The following CERS3 variants were observed in gnomAD, a reference collection of about 807,000 sequenced individuals.
The protein encoded by CERS3 is LAG1 homolog, ceramide synthase 3.
A neutral mutation model predicts 50.3 loss-of-function variants in CERS3; 33 were observed. The ratio of observed to expected loss-of-function variants is 0.66; its 90% confidence interval spans 0.50 to 0.88. CERS3 has a LOEUF of 0.88. CERS3 is among the 40% of genes least tolerant of loss of function. The probability of loss-of-function intolerance (pLI) is 0.00; values close to 1 mark genes in which losing one functional copy is unlikely to be tolerated. For synonymous variants in CERS3, 176 were observed against 155.2 expected, an observed-to-expected ratio of 1.13 and a Z score of -0.99; for missense variants, 470 against 460.3, an observed-to-expected ratio of 1.02 and a Z score of -0.19.
chr15:100,420,161 C>G (rs1224162465), intron 11 of CERS3, among the ~76,000 whole-genome samples: 28 of 147,006 alleles, frequency 1.9e-4, no homozygotes, highest in African/African-American at 6.8e-4. Context: ...TTGAAAGGAT[C>G]AACAAAATTG....
chr15:100,438,357 T>A (rs1464573269), intron 11 of CERS3, among the ~76,000 whole-genome samples: 1 of 152,140 alleles, frequency 6.6e-6, no homozygotes, highest in Non-Finnish European at 1.5e-5. Flanking sequence ...TATTCACTAT[T>A]TATTTTTATT....
rs757606264 is a variant in CERS3, at chr15:100,450,323, C to T, written c.999+5570G>A. ...GTCCCAGCTACTCAGGAGGTTGAGG[C>T]AGGGGAATTGCTTGAACTTGGCAGG... On this transcript the variant is annotated intron_variant, in intron 11 of 11. Transcript: ENST00000679737. Among the ~76,000 whole-genome samples, 7 of 146,992 alleles carry T rather than the reference C, an allele frequency of 4.8e-5. No individual in the cohort carries two copies. In the South Asian group the frequency reaches 8.7e-4, roughly 18 times the overall value.
intron 6 of CERS3, 28 bp downstream of exon 6, chr15:100,479,961 C>T (rs1004192121): frequency 1.9e-6 from 3 of 1,548,336 alleles, no homozygotes; most frequent in African/African-American, 1.4e-5. Flanking sequence ...AGACAAATTC[C>T]AATCGAAGAT....
At chr15:100,403,328 T>C (rs779382516) in intron 11 of CERS3, among the ~76,000 whole-genome samples, 7 of 152,018 alleles carry the variant, frequency 4.6e-5, no homozygotes, top group Non-Finnish European at 1.0e-4. Context: ...TTCAAACAAT[T>C]TCAGCTTCAA....
intron 3 of CERS3, among the ~76,000 whole-genome samples, chr15:100,492,988 G>C (rs1470960534): frequency 6.6e-6 from 1 of 151,958 alleles, no homozygotes; most frequent in Non-Finnish European, 1.5e-5. Context: ...CCCCTTCTTT[G>C]TGCTCTTGTC....
intron 11 of CERS3, among the ~76,000 whole-genome samples, chr15:100,443,329 C>A (rs545585449): frequency 6.6e-6 from 1 of 151,328 alleles, no homozygotes; most frequent in African/African-American, 2.4e-5. Flanking sequence ...TTATCACTCT[C>A]CTGCTACAGC....
intron 1 of CERS3, among the ~76,000 whole-genome samples, chr15:100,543,586 A>G (rs529693388): frequency 2.0e-5 from 3 of 146,856 alleles, no homozygotes; most frequent in East Asian, 2.0e-4. Context: ...CTGGAGTGCA[A>G]TGGCGCGATC....
At chr15:100,478,653 A>G (rs2035210491) in intron 7 of CERS3, among the ~76,000 whole-genome samples, 1 of 149,686 alleles carries the variant, frequency 6.7e-6, no homozygotes, top group South Asian at 2.1e-4. Context: ...AGACAATGAA[A>G]TAACATCATT....
chr15:100,504,239 CTTTTTTTT>C (rs55640205), intron 2 of CERS3, among the ~76,000 whole-genome samples: 1 of 109,984 alleles, frequency 9.1e-6, no homozygotes, highest in Non-Finnish European at 1.8e-5. Context: ...TTGGACTATT[CTTTTTTTT>C]TTTTTTTTTT....
In CERS3 at chr15:100,543,418, G is replaced by T. The variant is rs1009963121; in HGVS notation, c.-355+1233C>A. ...AAAAACATTTTCTAATGAGAGTTTTGAAATTGAGGGTAAGCTCAAATATCA... is the reference window on the plus strand; with the variant it reads ...AAAAACATTTTCTAATGAGAGTTTTTAAATTGAGGGTAAGCTCAAATATCA... On this transcript the variant is annotated intron_variant, in intron 1 of 12. Coordinates refer to the CERS3 transcript ENST00000284382. Among the ~76,000 whole-genome samples, 38 of 152,044 alleles carry T rather than the reference G, an allele frequency of 2.5e-4. 2 individuals carry two copies. Among genetic ancestry groups the T allele is most frequent in the Non-Finnish European group, 1.5e-4 (10 of 68,012 alleles).
At chr15:100,417,128 C>T (rs1247427822) in intron 11 of CERS3, among the ~76,000 whole-genome samples, 7 of 152,126 alleles carry the variant, frequency 4.6e-5, no homozygotes, top group African/African-American at 1.2e-4. Flanking sequence ...CCAGCGTGAG[C>T]GACGCAGAAG....
At chr15:100,544,387 TTG>T in intron 1 of CERS3, 1 of 141,228 alleles carries the variant, frequency 7.1e-6, no homozygotes, top group African/African-American at 2.6e-5. Context: ...TCTCTCGGCC[TTG>T]ACCTCCGCGG....
At chr15:100,423,095 A>AAG (rs367654963) in intron 11 of CERS3, among the ~76,000 whole-genome samples, 68,278 of 148,982 alleles carry the variant, frequency 0.46, 16,587 homozygotes, top group Non-Finnish European at 0.55. Flanking sequence ...ATAAAAAAAA[A>AAG]ATGTTAAAAA....
In CERS3 at chr15:100,455,883, CA is replaced by C. The variant is rs1180495718; in HGVS notation, c.999+9del. On this transcript the variant is annotated intron_variant, in intron 11 of 11. Transcript: ENST00000679737. ...GACATTAAGAGCAATAATATTTGGA[CA>C]GCCCTTACCTTCATGAATATACATC... 1 of 1,577,250 alleles carries C rather than the reference CA, an allele frequency of 6.3e-7. No homozygotes were observed. The highest frequency in any genetic ancestry group is 1.8e-5 in the Admixed American group (1 of 54,590).
At chr15:100,468,448 T>C (rs1338222534) in intron 10 of CERS3, among the ~76,000 whole-genome samples, 1 of 152,208 alleles carries the variant, frequency 6.6e-6, no homozygotes, top group Non-Finnish European at 1.5e-5. Context: ...AGAATGCAGC[T>C]GGCTTCCAGG....
At chr15:100,463,189 A>T (rs915914050) in intron 10 of CERS3, among the ~76,000 whole-genome samples, 1 of 151,966 alleles carries the variant, frequency 6.6e-6, no homozygotes, top group South Asian at 2.1e-4. Context: ...AATTATTTCT[A>T]AAATTGGGAG....
intron 11 of CERS3, among the ~76,000 whole-genome samples, chr15:100,406,777 G>A (rs1234917720): frequency 6.6e-6 from 1 of 152,118 alleles, no homozygotes; most frequent in African/African-American, 2.4e-5. Flanking sequence ...GAGAACAAGG[G>A]TATATTAATC....
intron 11 of CERS3, among the ~76,000 whole-genome samples, chr15:100,413,275 T>A (rs2142063410): frequency 6.6e-6 from 1 of 152,152 alleles, no homozygotes; most frequent in African/African-American, 2.4e-5. Context: ...AAATAAAAAT[T>A]CTCTGGGATT....
In CERS3 at chr15:100,493,515, G is replaced by A. The variant is rs566420794; in HGVS notation, c.174-2584C>T. Among the ~76,000 whole-genome samples the A allele has an allele frequency of 1.1e-4, 16 of 152,304 alleles. No individual in the cohort carries two copies. The East Asian group carries it at 1.2e-3, about 11-fold the overall frequency. On this transcript the variant is annotated intron_variant, in intron 3 of 11. Coordinates refer to ENST00000679737, the MANE Select transcript of CERS3 (RefSeq NM_001378789.1). ...CAAGTTGATTATGACATATGTAGATGTAGTTCTCTTTAAATGTATCATACT... is the reference window on the plus strand; with the variant it reads ...CAAGTTGATTATGACATATGTAGATATAGTTCTCTTTAAATGTATCATACT...
Sources: allele counts gnomAD v4.1 joint callset (sites outside exome capture counted in the v4.1 genomes callset), GRCh38; gene constraint gnomAD v4.1.1; transcripts MANE v1.5; gene names NCBI Gene and HGNC (gene_info 2026-07-23, HGNC 2026-07-21).